The following NPL variants were observed in gnomAD, a reference collection of about 807,000 sequenced individuals.
The protein encoded by NPL is N-acetylneuraminate pyruvate lyase.
Under a neutral mutation model 41.1 loss-of-function variants are expected in NPL, and 32 were observed. That is an observed-to-expected ratio of 0.78 (90% CI 0.59 to 1.05). The LOEUF is 1.05. Among genes scored for constraint, NPL ranks in the 50% least tolerant of loss-of-function variants. NPL has a pLI of 0.00. For missense variants in NPL, 321 were observed against 378.4 expected (o/e 0.85, Z 1.26); for synonymous variants, 128 against 134.9 (o/e 0.95, Z 0.35).
intron 12 of NPL, 69 bp downstream of exon 12, chr1:182,825,889 TC>T (rs757141226): frequency 2.6e-4 from 297 of 1,130,620 alleles, no homozygotes; most frequent in Non-Finnish European, 3.5e-4. Context: ...ACCATCACTT[TC>T]TCTGAGGGTT....
At chr1:182,818,493 A>G (rs770970968) in intron 8 of NPL, 48 bp from the exon 9 acceptor site, 6 of 1,608,504 alleles carry the variant, frequency 3.7e-6, no homozygotes, top group South Asian at 1.1e-5. Context: ...ATGAGATGTT[A>G]TTTCCTAGAG....
At chr1:182,826,956 A>G (rs1213005944) in intron 12 of NPL, 4 of 152,222 alleles carry the variant, frequency 2.6e-5, no homozygotes, top group Non-Finnish European at 5.9e-5. Flanking sequence ...TAAGAGATAA[A>G]CAGTAACTAA....
rs750602685 is a variant in NPL, at chr1:182,806,126, T to C, written c.143-19T>C. ...AGAGGTGCTCCTTGGTCCTGCTGACTTACTCTTTGTTTGAACAGTGAATGG... is the reference window on the plus strand; with the variant it reads ...AGAGGTGCTCCTTGGTCCTGCTGACCTACTCTTTGTTTGAACAGTGAATGG... On this transcript the variant is annotated intron_variant, in intron 4 of 12. Transcript: ENST00000367553. The C allele has an allele frequency of 1.9e-6, 3 of 1,614,126 alleles. No individual in the cohort carries two copies. In the South Asian group the frequency reaches 3.3e-5, roughly 18 times the overall value.
At chr1:182,800,781 G>GT (rs1277026647) in intron 3 of NPL, among the ~76,000 whole-genome samples, 2 of 145,570 alleles carry the variant, frequency 1.4e-5, no homozygotes, top group Non-Finnish European at 3.0e-5. Flanking sequence ...CCAGGCTGGA[G>GT]TGCAGTGGTG....
At chr1:182,816,653 TA>T in intron 7 of NPL, 60 bp from the exon 8 acceptor site, 1 of 1,197,564 alleles carries the variant, frequency 8.4e-7, no homozygotes, top group South Asian at 1.2e-5. Context: ...TTCTCTTTTT[TA>T]CCAGGAAAGC....
chr1:182,828,966 A>G lies in NPL; in HGVS notation c.*58A>G. On this transcript the variant is annotated 3_prime_UTR_variant, in exon 13 of 13. Transcript: ENST00000367553. This position sits in a 1 kb window ranked among gnomAD's most constrained non-coding sequence, Gnocchi z 4.0. ...AGACATAATCTACCTTAAATAGTGC[A>G]TTTTTTTCTCAGGGAATTTTAGATG... 1 of 1,607,540 alleles carries G rather than the reference A, an allele frequency of 6.2e-7. No individual in the cohort carries two copies. Among genetic ancestry groups the G allele is most frequent in the Admixed American group, 1.7e-5 (1 of 59,520 alleles).
chr1:182,802,321 G>A (rs1030169693), intron 3 of NPL, among the ~76,000 whole-genome samples: 2 of 152,244 alleles, frequency 1.3e-5, no homozygotes, highest in Non-Finnish European at 2.9e-5. Context: ...CTCTGAGCTT[G>A]TTATAGGCAT....
At chr1:182,812,236 G>A (rs1667198182) in intron 6 of NPL, 23 bp downstream of exon 6, 3 of 1,608,618 alleles carry the variant, frequency 1.9e-6, no homozygotes, top group Non-Finnish European at 2.6e-6. Context: ...TTCCATCTGG[G>A]AGAGACCATT....
rs1472356468 is a variant in NPL, at chr1:182,830,006, A to G, written c.*1098A>G. The G allele has an allele frequency of 5.6e-6, 1 of 178,580 alleles. No homozygotes were observed. The highest frequency in any genetic ancestry group is 2.4e-5 in the African/African-American group (1 of 42,476). 11.1% of individuals were successfully genotyped at this position (178,580 alleles called of 1,614,324 possible). A position where few individuals can be genotyped will look rare whatever the true frequency, so the allele number is the denominator to read the frequency against. ...CTATCCAGTCTGTTAATTACCTAAGATTTTGTTTTCATTTCATCTCTAATT... is the reference window on the plus strand; with the variant it reads ...CTATCCAGTCTGTTAATTACCTAAGGTTTTGTTTTCATTTCATCTCTAATT... On this transcript the variant is annotated 3_prime_UTR_variant, in exon 13 of 13. Coordinates refer to ENST00000367553, the MANE Select transcript of NPL (RefSeq NM_030769.3).
intron 11 of NPL, among the ~76,000 whole-genome samples, chr1:182,824,189 G>A (rs1237751413): frequency 1.3e-5 from 2 of 152,116 alleles, no homozygotes; most frequent in Non-Finnish European, 2.9e-5. Context: ...TCATCCATAA[G>A]GCAATGGTTA....
At chr1:182,790,932 C>G (rs3828158) in intron 1 of NPL, among the ~76,000 whole-genome samples, 2 of 152,292 alleles carry the variant, frequency 1.3e-5, no homozygotes, top group East Asian at 1.9e-4. Context: ...CTTGAGCCAC[C>G]GCGCCCGGCC....
intron 5 of NPL, among the ~76,000 whole-genome samples, chr1:182,806,735 C>T (rs949178423): frequency 5.9e-5 from 9 of 152,204 alleles, no homozygotes; most frequent in Admixed American, 2.6e-4. Context: ...CCATAAACTT[C>T]CATGCAGTGA....
At chr1:182,816,506 T>G (rs1163217423) in intron 7 of NPL, among the ~76,000 whole-genome samples, 1 of 152,188 alleles carries the variant, frequency 6.6e-6, no homozygotes, top group Non-Finnish European at 1.5e-5. Flanking sequence ...ATCGTCTTAC[T>G]TTGGGCTTTC....
intron 12 of NPL, among the ~76,000 whole-genome samples, chr1:182,827,442 C>G (rs1667659535): frequency 6.6e-6 from 1 of 152,180 alleles, no homozygotes; most frequent in Admixed American, 6.5e-5. Flanking sequence ...ACTCAAATCT[C>G]TCATTCTGAA....
At chr1:182,813,834 T>A (rs1667247569) in intron 6 of NPL, among the ~76,000 whole-genome samples, 1 of 152,244 alleles carries the variant, frequency 6.6e-6, no homozygotes, top group East Asian at 1.9e-4. Flanking sequence ...CTAAGGTTAA[T>A]CTACTCTTTT....
At chr1:182,798,539 C>T (rs1277261341) in intron 3 of NPL, among the ~76,000 whole-genome samples, 3 of 152,122 alleles carry the variant, frequency 2.0e-5, no homozygotes, top group Non-Finnish European at 4.4e-5. Flanking sequence ...GACTTGCTTT[C>T]CTTATTTGTT....
At chr1:182,818,457 A>G in intron 8 of NPL, 84 bp from the exon 9 acceptor site, 2 of 1,550,192 alleles carry the variant, frequency 1.3e-6, no homozygotes, top group Non-Finnish European at 1.8e-6. Flanking sequence ...AGCGTGTGGC[A>G]GCTCACTGCA....
intron 3 of NPL, among the ~76,000 whole-genome samples, chr1:182,798,233 C>CTT (rs58974453): frequency 0.029 from 3,790 of 129,966 alleles, 71 homozygotes; most frequent in Admixed American, 0.044. Flanking sequence ...GAAAGACTTG[C>CTT]TTTTTTTTTT....
intron 7 of NPL, among the ~76,000 whole-genome samples, chr1:182,815,141 C>A (rs1401101800): frequency 1.3e-5 from 2 of 152,120 alleles, no homozygotes; most frequent in Non-Finnish European, 2.9e-5. Flanking sequence ...TGCTCCTAGA[C>A]CAGTGAGTTG....
Sources: gnomAD v4.1 joint callset for allele counts (sites outside exome capture counted in the v4.1 genomes callset) on GRCh38, gnomAD v4.1.1 for gene constraint, Gnocchi (gnomAD v3.1) non-coding constraint, MANE v1.5 for transcripts, NCBI Gene and HGNC (gene_info 2026-07-23, HGNC 2026-07-21) for gene names.